The following GALNT17 variants were observed in gnomAD, a reference collection of about 807,000 sequenced individuals.
The protein encoded by GALNT17 is polypeptide N-acetylgalactosaminyltransferase 17.
GALNT17 carries 29 observed loss-of-function variants against 63.7 expected under a neutral mutation model. That is an observed-to-expected ratio of 0.46 (90% CI 0.34 to 0.62). The LOEUF (loss-of-function observed/expected upper bound fraction) is 0.62. Ranked by LOEUF, GALNT17 falls within the 20% of genes least tolerant of loss-of-function variation. The probability of loss-of-function intolerance (pLI) is 0.01; values close to 1 mark genes in which losing one functional copy is unlikely to be tolerated. For missense variants in GALNT17, 603 were observed against 799.6 expected, an observed-to-expected ratio of 0.75 and a Z score of 2.97; for synonymous variants, 305 against 318.3, an observed-to-expected ratio of 0.96 and a Z score of 0.45.
intron 1 of GALNT17, among the ~76,000 whole-genome samples, chr7:71,285,845 T>C (rs950670320): frequency 9.2e-5 from 14 of 152,228 alleles, no homozygotes; most frequent in African/African-American, 3.4e-4. Flanking sequence ...ATGGTATTTT[T>C]GTTATGGCAG....
intron 1 of GALNT17, among the ~76,000 whole-genome samples, chr7:71,207,349 T>A (rs567689485): frequency 1.2e-4 from 19 of 152,324 alleles, no homozygotes; most frequent in African/African-American, 4.6e-4. Flanking sequence ...TTATTTTGGA[T>A]GTTATTTATT....
chr7:71,458,470 A>G (rs562488026), intron 5 of GALNT17, among the ~76,000 whole-genome samples: 22 of 152,266 alleles, frequency 1.4e-4, no homozygotes, highest in South Asian at 8.3e-4. Flanking sequence ...TGTTGCATTT[A>G]TACGTTTGTA....
chr7:71,180,233 C>G (rs1449189013), intron 1 of GALNT17, among the ~76,000 whole-genome samples: 1 of 151,966 alleles, frequency 6.6e-6, no homozygotes, highest in Non-Finnish European at 1.5e-5. Context: ...TCAGTCGATT[C>G]TCCTGCCTCA....
chr7:71,558,005 C>T lies in GALNT17; in HGVS notation c.963-13280C>T, dbSNP rs559944654. On this transcript the variant is annotated intron_variant, in intron 5 of 10. Transcript: ENST00000333538. ...AGGAGAATGGTTTGAACCCAGGAGG[C>T]AGAGATTGCAGTGAGCTGAGATCAC... 1.1e-4 allele frequency among the ~76,000 whole-genome samples: 16 copies of T among 151,304 alleles called. No individual in the cohort carries two copies. The South Asian group carries it at 1.3e-3, about 12-fold the overall frequency.
intron 1 of GALNT17, among the ~76,000 whole-genome samples, chr7:71,221,383 C>CTTTT (rs33954579): frequency 9.9e-5 from 11 of 110,866 alleles, no homozygotes; most frequent in Middle Eastern, 5.4e-3. Context: ...TACAGCCATG[C>CTTTT]TTTTTTTTTT....
At chr7:71,294,422 T>C (rs2115838298) in intron 1 of GALNT17, among the ~76,000 whole-genome samples, 2 of 140,730 alleles carry the variant, frequency 1.4e-5, no homozygotes, top group South Asian at 4.7e-4. Flanking sequence ...TTTTTTTTTT[T>C]TTTTTTTTTT....
intron 1 of GALNT17, among the ~76,000 whole-genome samples, chr7:71,312,662 A>G (rs532025115): frequency 6.6e-5 from 10 of 152,224 alleles, no homozygotes; most frequent in East Asian, 1.9e-4. Flanking sequence ...CTCTGTGTGC[A>G]TATCTCCCTG....
intron 1 of GALNT17, among the ~76,000 whole-genome samples, chr7:71,134,583 CCTGA>C (rs1337770835): frequency 2.0e-5 from 3 of 152,102 alleles, no homozygotes; most frequent in African/African-American, 4.8e-5. Flanking sequence ...GGGTATATGG[CCTGA>C]CTGTCAGGGT....
At chr7:71,504,288 G>A (rs1248198704) in intron 5 of GALNT17, among the ~76,000 whole-genome samples, 1 of 151,864 alleles carries the variant, frequency 6.6e-6, no homozygotes, top group East Asian at 1.9e-4. Flanking sequence ...AGCTACTCTC[G>A]GGAGGCTGAG....
chr7:71,528,569 G>A (rs1562677368), intron 5 of GALNT17, among the ~76,000 whole-genome samples: 1 of 152,124 alleles, frequency 6.6e-6, no homozygotes, highest in South Asian at 2.1e-4. Context: ...GGTCCATGCT[G>A]TTCTTAGGGA....
intron 6 of GALNT17, among the ~76,000 whole-genome samples, chr7:71,628,012 A>G (rs12536641): frequency 0.066 from 10,019 of 152,132 alleles, 599 homozygotes; most frequent in East Asian, 0.27. Flanking sequence ...ATGCAAGCAG[A>G]TATACAGCGC....
chr7:71,682,212 C>G (rs1791277511), intron 9 of GALNT17, among the ~76,000 whole-genome samples: 1 of 151,922 alleles, frequency 6.6e-6, no homozygotes, highest in South Asian at 2.1e-4. Context: ...CAGGCAAGAG[C>G]CACTGCGCCC....
chr7:71,296,129 G>A (rs1791075242), intron 1 of GALNT17, among the ~76,000 whole-genome samples: 1 of 151,912 alleles, frequency 6.6e-6, no homozygotes, highest in Non-Finnish European at 1.5e-5. Flanking sequence ...TGAAGTTATG[G>A]GCAATGTTTT....
intron 2 of GALNT17, among the ~76,000 whole-genome samples, chr7:71,379,199 G>A (rs1052456744): frequency 3.9e-5 from 6 of 152,146 alleles, no homozygotes; most frequent in East Asian, 1.9e-4. Context: ...GGAAGGTAGT[G>A]TTGGGCAGAT....
intron 3 of GALNT17, among the ~76,000 whole-genome samples, chr7:71,410,852 CT>C (rs1163314218): frequency 1.3e-5 from 2 of 152,194 alleles, no homozygotes; most frequent in African/African-American, 4.8e-5. Context: ...GCTTCTCCCC[CT>C]CAACCTCCTC....
chr7:71,455,203 C>G (rs1787332675), intron 5 of GALNT17, among the ~76,000 whole-genome samples: 1 of 150,866 alleles, frequency 6.6e-6, no homozygotes, highest in Non-Finnish European at 1.5e-5. Context: ...GTCAGTTGTT[C>G]ATGTTGAAAC....
intron 1 of GALNT17, among the ~76,000 whole-genome samples, chr7:71,136,888 G>A (rs1319406169): frequency 4.6e-5 from 7 of 151,946 alleles, no homozygotes; most frequent in African/African-American, 1.7e-4. Flanking sequence ...CCCGGCTCAA[G>A]TGATCCTCCC....
chr7:71,428,462 CAG>C (rs1350942750), intron 5 of GALNT17, among the ~76,000 whole-genome samples: 3 of 151,866 alleles, frequency 2.0e-5, no homozygotes, highest in Non-Finnish European at 4.4e-5. Context: ...TTTTTTGAGA[CAG>C]AATCTCTCCC....
intron 1 of GALNT17, among the ~76,000 whole-genome samples, chr7:71,314,609 C>A (rs73358104): frequency 0.055 from 8,367 of 152,042 alleles, 478 homozygotes; most frequent in African/African-American, 0.14. Flanking sequence ...TTTTTCTTTT[C>A]CATTGTTTTG....
Sources: allele counts gnomAD v4.1 joint callset (sites outside exome capture counted in the v4.1 genomes callset), GRCh38; gene constraint gnomAD v4.1.1; transcripts MANE v1.5; gene names NCBI Gene and HGNC (gene_info 2026-07-23, HGNC 2026-07-21).